Variants in HDAC9 observed in about 807,000 individuals in gnomAD.
The protein encoded by HDAC9 is histone deacetylase 9.
A neutral mutation model predicts 139.4 loss-of-function variants in HDAC9; 41 were observed. That is an observed-to-expected ratio of 0.29 (90% CI 0.23 to 0.38). The LOEUF is 0.38. Among genes scored for constraint, HDAC9 ranks in the 10% least tolerant of loss-of-function variants. The pLI, the probability that HDAC9 is intolerant of heterozygous loss-of-function variation, is 1.00. For synonymous variants in HDAC9, 517 were observed against 476.2 expected (o/e 1.09, Z -1.12); for missense variants, 1,147 against 1,297.0 (o/e 0.88, Z 1.78).
Position 18,720,671 on chromosome 7 carries a change from C to CT in HDAC9, c.1732-6897dup, listed in dbSNP as rs1258276875. ...ACCAAACGTATTTTTATGCTCTTTT[C>CT]TTTTTTTTTTTTCTTTTCTTCTTTT... is the stretch of plus-strand genomic sequence containing the variant. On this transcript the variant is annotated intron_variant, in intron 12 of 25. Coordinates refer to ENST00000686413, the MANE Select transcript of HDAC9 (RefSeq NM_178425.4). Among the ~76,000 whole-genome samples the CT allele has an allele frequency of 5.0e-3, 707 of 142,688 alleles. 4 individuals are homozygous for CT. The highest frequency in any genetic ancestry group is 0.015 in the African/African-American group (599 of 39,220). The allele number at this position is 142,688 out of a possible 152,430, so 93.6% of individuals were successfully genotyped here. A position where few individuals can be genotyped will look rare whatever the true frequency, so the allele number is the denominator to read the frequency against.
At chr7:18,920,204 G>A (rs137883724) in intron 22 of HDAC9, among the ~76,000 whole-genome samples, 16,103 of 151,978 alleles carry the variant, frequency 0.11, 1,008 homozygotes, top group South Asian at 0.26. Flanking sequence ...CCTTGAAGAG[G>A]TCCTTCACAT....
chr7:18,334,021 A>G (rs922548170), intron 1 of HDAC9, among the ~76,000 whole-genome samples: 2 of 151,420 alleles, frequency 1.3e-5, no homozygotes, highest in African/African-American at 4.8e-5. Flanking sequence ...CAGAGTAGAA[A>G]AATACAGATT....
chr7:18,591,683 A>G, intron 5 of HDAC9, 41 bp downstream of exon 5: 1 of 1,606,320 alleles, frequency 6.2e-7, no homozygotes, highest in East Asian at 2.2e-5. Context: ...TGGGGTAAAG[A>G]ACACAGGTTC....
chr7:18,724,306 A>C (rs569072925), intron 12 of HDAC9, among the ~76,000 whole-genome samples: 7 of 152,192 alleles, frequency 4.6e-5, no homozygotes, highest in Admixed American at 3.3e-4. Flanking sequence ...CTATGTACCT[A>C]GGCCATATAT....
intron 22 of HDAC9, among the ~76,000 whole-genome samples, chr7:18,909,387 C>A (rs1253317635): frequency 1.3e-5 from 2 of 151,820 alleles, no homozygotes; most frequent in African/African-American, 4.8e-5. Context: ...CTGCAGCTTT[C>A]TAGTATGATA....
chr7:18,723,812 T>C (rs190438072), intron 12 of HDAC9, among the ~76,000 whole-genome samples: 93 of 152,118 alleles, frequency 6.1e-4, no homozygotes, highest in African/African-American at 2.1e-3. Flanking sequence ...ACCCCAGTCA[T>C]CTAAAACATG....
At chr7:18,904,360 C>T (rs893218549) in intron 22 of HDAC9, among the ~76,000 whole-genome samples, 1 of 151,998 alleles carries the variant, frequency 6.6e-6, no homozygotes, top group Admixed American at 6.5e-5. Flanking sequence ...CAGGGTGCTG[C>T]GTTGCCACTG....
intron 2 of HDAC9, among the ~76,000 whole-genome samples, chr7:18,195,590 C>T (rs543667561): frequency 2.6e-5 from 4 of 152,238 alleles, no homozygotes; most frequent in South Asian, 4.1e-4. Context: ...CACCTATACT[C>T]TAGGGGGTTC....
At chr7:18,513,924 G>C (rs1407740633) in intron 2 of HDAC9, among the ~76,000 whole-genome samples, 3 of 152,174 alleles carry the variant, frequency 2.0e-5, no homozygotes, top group Admixed American at 2.0e-4. Context: ...CAGATTTTAG[G>C]TTTAGAAACC....
chr7:18,398,247 A>G (rs904040310), intron 1 of HDAC9, among the ~76,000 whole-genome samples: 1 of 152,224 alleles, frequency 6.6e-6, no homozygotes, highest in Non-Finnish European at 1.5e-5. Flanking sequence ...CACAACTCAG[A>G]AAAACATAGA....
chr7:18,097,923 A>C (rs1295715417), intron 1 of HDAC9, among the ~76,000 whole-genome samples: 1 of 152,166 alleles, frequency 6.6e-6, no homozygotes, highest in Non-Finnish European at 1.5e-5. Context: ...ATGCTTTGCC[A>C]GCCCATATTT....
intron 21 of HDAC9, among the ~76,000 whole-genome samples, chr7:18,848,426 T>A (rs1292553494): frequency 6.6e-6 from 1 of 152,078 alleles, no homozygotes; most frequent in Non-Finnish European, 1.5e-5. Context: ...TAGGGTTAGA[T>A]GGAATCTTGA....
In HDAC9 at chr7:18,557,688, TA is replaced by T. The variant is rs1819282560; in HGVS notation, c.23-27588del. On this transcript the variant is annotated intron_variant, in intron 2 of 25. Coordinates refer to ENST00000686413, the MANE Select transcript of HDAC9 (RefSeq NM_178425.4). Reference sequence around the variant, plus strand: ...TATATTATAAATTACTTTTATAATTTAAAAATATATTTTATATTGTAAAATA... The same window carrying T: ...TATATTATAAATTACTTTTATAATTTAAAATATATTTTATATTGTAAAATA... Among the ~76,000 whole-genome samples, 3 of 148,622 alleles carry T rather than the reference TA, an allele frequency of 2.0e-5. No homozygotes were observed. The South Asian group carries it at 6.2e-4, about 31-fold the overall frequency.
chr7:18,646,502 C>T (rs1367599140), intron 9 of HDAC9, among the ~76,000 whole-genome samples: 1 of 152,078 alleles, frequency 6.6e-6, no homozygotes, highest in African/African-American at 2.4e-5. Flanking sequence ...ATTTGTAGTA[C>T]TCCATTTCTA....
intron 1 of HDAC9, among the ~76,000 whole-genome samples, chr7:18,105,963 A>G (rs890090201): frequency 1.4e-4 from 22 of 152,166 alleles, no homozygotes; most frequent in Admixed American, 6.5e-5. Flanking sequence ...GCTAAGTGAA[A>G]GAAGCCAGAC....
chr7:18,155,112 C>A (rs1428841293), intron 1 of HDAC9, among the ~76,000 whole-genome samples: 1 of 129,696 alleles, frequency 7.7e-6, no homozygotes, highest in East Asian at 2.4e-4. Flanking sequence ...TTTTTAACAA[C>A]CTCTTTGCCA....
rs114571403 is a variant in HDAC9 at position 18,699,069 on chromosome 7, A to C, written c.1732-28511A>C. Among the ~76,000 whole-genome samples, 716 of 152,266 alleles carry C rather than the reference A, an allele frequency of 4.7e-3. 3 individuals are homozygous for C. Among genetic ancestry groups the C allele is most frequent in the African/African-American group, 0.016 (674 of 41,574 alleles). Reference sequence around the variant, plus strand: ...CCTCAAAAGCACACCAAAAAGTGTGACACAGCAGTGATTCTGGGGTCTCAA... The same window carrying C: ...CCTCAAAAGCACACCAAAAAGTGTGCCACAGCAGTGATTCTGGGGTCTCAA... On this transcript the variant is annotated intron_variant, in intron 12 of 25. Coordinates refer to ENST00000686413, the MANE Select transcript of HDAC9 (RefSeq NM_178425.4).
intron 6 of HDAC9, among the ~76,000 whole-genome samples, chr7:18,606,993 T>G (rs1562552398): frequency 6.6e-6 from 1 of 152,160 alleles, no homozygotes; most frequent in East Asian, 1.9e-4. Flanking sequence ...TTCCTCATGA[T>G]AAAGAAATAA....
At chr7:18,398,820 A>G (rs186493579) in intron 1 of HDAC9, among the ~76,000 whole-genome samples, 27 of 152,298 alleles carry the variant, frequency 1.8e-4, no homozygotes, top group Admixed American at 1.3e-3. Flanking sequence ...ACATGTTTAT[A>G]ATGGAAAATG....
Sources: gnomAD v4.1 joint callset for allele counts (sites outside exome capture counted in the v4.1 genomes callset) on GRCh38, gnomAD v4.1.1 for gene constraint, MANE v1.5 for transcripts, NCBI Gene and HGNC (gene_info 2026-07-23, HGNC 2026-07-21) for gene names.